Variants in ZNF804B observed in about 807,000 individuals in gnomAD.
ZNF804B encodes zinc finger protein 804B.
Under a neutral mutation model 101.4 loss-of-function variants are expected in ZNF804B, and 80 were observed. That is an observed-to-expected ratio of 0.79 (90% CI 0.66 to 0.95). The LOEUF (loss-of-function observed/expected upper bound fraction) is 0.95. ZNF804B is among the 40% of genes least tolerant of loss of function. The pLI is 0.00. For missense variants in ZNF804B, 1,673 were observed against 1,561.9 expected, an observed-to-expected ratio of 1.07 and a Z score of -1.20; for synonymous variants, 622 against 558.8, an observed-to-expected ratio of 1.11 and a Z score of -1.59.
intron 1 of ZNF804B, among the ~76,000 whole-genome samples, chr7:88,837,441 A>G (rs564632594): frequency 2.1e-4 from 32 of 152,112 alleles, no homozygotes; most frequent in Middle Eastern, 6.8e-3. Context: ...TTATTGTTTA[A>G]TAAAACATGT....
intron 1 of ZNF804B, among the ~76,000 whole-genome samples, chr7:89,051,403 C>T (rs557178857): frequency 5.0e-4 from 76 of 152,212 alleles, no homozygotes; most frequent in Admixed American, 2.0e-3. Context: ...ACCATTAATA[C>T]GGAATTATTA....
chr7:89,123,928 A>C (rs1790441474), intron 1 of ZNF804B, among the ~76,000 whole-genome samples: 1 of 152,164 alleles, frequency 6.6e-6, no homozygotes, highest in Non-Finnish European at 1.5e-5. Flanking sequence ...GTGGCAAGAG[A>C]AGGAGTGTAC....
chr7:89,293,749 A>T (rs1790334841), intron 2 of ZNF804B, among the ~76,000 whole-genome samples: 1 of 151,962 alleles, frequency 6.6e-6, no homozygotes, highest in African/African-American at 2.4e-5. Context: ...AGATTGTGCC[A>T]CTGCACTCCA....
At chr7:89,042,908 G>A (rs1789038737) in intron 1 of ZNF804B, among the ~76,000 whole-genome samples, 1 of 152,116 alleles carries the variant, frequency 6.6e-6, no homozygotes, top group Admixed American at 6.6e-5. Context: ...CTGGCCTACA[G>A]GTAATGAAAT....
intron 1 of ZNF804B, among the ~76,000 whole-genome samples, chr7:88,993,832 A>G (rs1793882960): frequency 6.6e-6 from 1 of 151,990 alleles, no homozygotes; most frequent in African/African-American, 2.4e-5. Context: ...AAAACTGGTC[A>G]GTGTGTATTC....
chr7:89,211,170 G>A (rs879249693), intron 1 of ZNF804B, among the ~76,000 whole-genome samples: 2 of 152,084 alleles, frequency 1.3e-5, no homozygotes, highest in Non-Finnish European at 2.9e-5. Context: ...CATGCCCTTT[G>A]CCCACTTTTT....
At chr7:88,776,866 A>G (rs1790150227) in intron 1 of ZNF804B, among the ~76,000 whole-genome samples, 1 of 147,496 alleles carries the variant, frequency 6.8e-6, no homozygotes, top group Non-Finnish European at 1.5e-5. Flanking sequence ...AGTCAGGATA[A>G]CAGAAATTAT....
chr7:88,833,881 G>T (rs1367042987), intron 1 of ZNF804B, among the ~76,000 whole-genome samples: 1 of 151,684 alleles, frequency 6.6e-6, no homozygotes, highest in Admixed American at 6.6e-5. Flanking sequence ...TTATACTTAT[G>T]CCAAAATTAC....
chr7:89,279,191 A>C (rs1790039229), intron 2 of ZNF804B, among the ~76,000 whole-genome samples: 1 of 152,094 alleles, frequency 6.6e-6, no homozygotes, highest in South Asian at 2.1e-4. Flanking sequence ...TGATTTTTGC[A>C]CATTGATTTT....
chr7:89,033,696 G>A (rs987378314), intron 1 of ZNF804B, among the ~76,000 whole-genome samples: 15 of 151,710 alleles, frequency 9.9e-5, no homozygotes, highest in African/African-American at 3.6e-4. Flanking sequence ...TTCAACAAAG[G>A]AAAAGAATAC....
At chr7:89,133,104 G>A (rs1790577162) in intron 1 of ZNF804B, among the ~76,000 whole-genome samples, 1 of 151,940 alleles carries the variant, frequency 6.6e-6, no homozygotes, top group Non-Finnish European at 1.5e-5. Flanking sequence ...TTACTGGATG[G>A]GTTTGAAGCA....
chr7:88,895,448 G>T (rs1792270959), intron 1 of ZNF804B, among the ~76,000 whole-genome samples: 1 of 152,162 alleles, frequency 6.6e-6, no homozygotes, highest in Non-Finnish European at 1.5e-5. Context: ...ATATTTATAG[G>T]TATGTGCTAG....
chr7:89,166,061 A>G (rs537620153), intron 1 of ZNF804B, among the ~76,000 whole-genome samples: 11 of 152,272 alleles, frequency 7.2e-5, no homozygotes, highest in African/African-American at 2.4e-4. Context: ...CATATTTTCC[A>G]CAATTGTGAA....
intron 1 of ZNF804B, among the ~76,000 whole-genome samples, chr7:89,029,186 C>T (rs1411541227): frequency 6.7e-6 from 1 of 150,372 alleles, no homozygotes. Context: ...TCACTGTAAC[C>T]TCCACCTCCC....
At chr7:88,938,517 G>A (rs1350999645) in intron 1 of ZNF804B, among the ~76,000 whole-genome samples, 2 of 151,890 alleles carry the variant, frequency 1.3e-5, no homozygotes, top group African/African-American at 4.8e-5. Context: ...GAGTCAGGTT[G>A]GAAAATCATG....
chr7:88,948,398 C>T (rs546237159), intron 1 of ZNF804B, among the ~76,000 whole-genome samples: 6 of 149,462 alleles, frequency 4.0e-5, no homozygotes, highest in African/African-American at 1.2e-4. Flanking sequence ...GCAGCCTCAA[C>T]CTCCAAGGCT....
intron 1 of ZNF804B, among the ~76,000 whole-genome samples, chr7:88,810,059 C>T (rs13222244): frequency 0.16 from 24,960 of 152,098 alleles, 2,481 homozygotes; most frequent in East Asian, 0.42. Flanking sequence ...ACTTGTATCT[C>T]GTAACCCAGA....
chr7:88,830,131 G>A (rs1371828848), intron 1 of ZNF804B, among the ~76,000 whole-genome samples: 3 of 152,060 alleles, frequency 2.0e-5, no homozygotes, highest in Non-Finnish European at 4.4e-5. Context: ...TGCAAATGCT[G>A]CTGAAGGCTT....
chr7:89,287,288 A>G (rs913338978), intron 2 of ZNF804B, among the ~76,000 whole-genome samples: 4 of 152,050 alleles, frequency 2.6e-5, no homozygotes, highest in African/African-American at 7.2e-5. Flanking sequence ...GCATTTTTCC[A>G]TGGCCAACTA....
Sources: gnomAD v4.1 joint callset for allele counts (sites outside exome capture counted in the v4.1 genomes callset) on GRCh38, gnomAD v4.1.1 for gene constraint, MANE v1.5 for transcripts, NCBI Gene and HGNC (gene_info 2026-07-23, HGNC 2026-07-21) for gene names.